RGS12: variants seen among roughly 807,000 people sequenced by gnomAD.
RGS12 encodes the protein regulator of G-protein signaling 12.
A neutral mutation model predicts 120.1 loss-of-function variants in RGS12; 66 were observed. The observed-to-expected ratio is 0.55, with a 90% CI of 0.45 to 0.67. The LOEUF (loss-of-function observed/expected upper bound fraction) is 0.67. Among genes scored for constraint, RGS12 ranks in the 30% least tolerant of loss-of-function variants. The pLI is 0.00. For missense variants in RGS12, 1,859 were observed against 1,957.7 expected (o/e 0.95, Z 0.95); for synonymous variants, 827 against 804.7 (o/e 1.03, Z -0.47).
intron 8 of RGS12, 51 bp from the exon 9 acceptor site, chr4:3,417,337 A>T: frequency 6.5e-7 from 1 of 1,527,174 alleles, no homozygotes; most frequent in Non-Finnish European, 8.8e-7. Context: ...ACTTAACGTA[A>T]TAGTAAAATA....
intron 3 of RGS12, among the ~76,000 whole-genome samples, chr4:3,344,865 T>C (rs1713644931): frequency 6.6e-6 from 1 of 152,198 alleles, no homozygotes; most frequent in Admixed American, 6.5e-5. Flanking sequence ...TGTCCTTTTC[T>C]GTGTGGGCCC....
chr4:3,423,075 A>C (rs374207716), intron 12 of RGS12, 97 bp downstream of exon 12: 7 of 692,548 alleles, frequency 1.0e-5, no homozygotes. Context: ...CGGCCTGTGG[A>C]TGCTCCATGC....
chr4:3,292,922 A>AC, upstream of RGS12: 1 of 31,138 alleles, frequency 3.2e-5, no homozygotes, highest in South Asian at 1.2e-3. Flanking sequence ...CCCCAACCCC[A>AC]CCCCCTTGGC....
At chr4:3,339,006 C>A (rs538111353) in intron 2 of RGS12, among the ~76,000 whole-genome samples, 1 of 152,288 alleles carries the variant, frequency 6.6e-6, no homozygotes, top group South Asian at 2.1e-4. Context: ...GGCCCTCGTT[C>A]CATGAGTTGA....
rs1472016366 is a variant in RGS12, at chr4:3,374,582, C to T, written c.1999-11834C>T. Reference sequence around the variant, plus strand: ...GATTCTCCCCTCGCCTCCAGTGTACCCCTCCCTCAGTCTGCCACATCTCAG... The same window carrying T: ...GATTCTCCCCTCGCCTCCAGTGTACTCCTCCCTCAGTCTGCCACATCTCAG... On this transcript the variant is annotated intron_variant, in intron 3 of 17. Coordinates refer to ENST00000336727, the MANE Select transcript of RGS12 (RefSeq NM_001394154.1). The surrounding 1 kb of genome is among the most constrained non-coding windows in gnomAD (Gnocchi z 6.3). Among the ~76,000 whole-genome samples, 5 of 151,996 alleles carry T rather than the reference C, an allele frequency of 3.3e-5. No individual in the cohort carries two copies. The highest frequency in any genetic ancestry group is 7.4e-5 in the Non-Finnish European group (5 of 67,998).
chr4:3,411,756 C>T (rs1446344514), intron 4 of RGS12, among the ~76,000 whole-genome samples: 3 of 152,282 alleles, frequency 2.0e-5, no homozygotes. Context: ...CAGAACGGGG[C>T]ACTTGCCACA....
chr4:3,297,452 C>T (rs986753276), intron 1 of RGS12, among the ~76,000 whole-genome samples: 7 of 152,330 alleles, frequency 4.6e-5, no homozygotes, highest in East Asian at 1.9e-4. Flanking sequence ...TCCCAAAGGC[C>T]GTGGGGAGGT....
intron 13 of RGS12, among the ~76,000 whole-genome samples, chr4:3,424,687 G>A (rs976386622): frequency 3.9e-5 from 6 of 152,252 alleles, no homozygotes; most frequent in African/African-American, 1.4e-4. Context: ...GAGGCTGTGG[G>A]GGCTATGGAG....
chr4:3,435,621 G>A lies in RGS12; in HGVS notation c.4115-3834G>A, dbSNP rs1577112643. On this transcript the variant is annotated intron_variant, in intron 17 of 17. Transcript: ENST00000336727. ...CATCTCCTGGCTCCTGCCCAGCTCC[G>A]TGGCTCCCCAGGGGATTCCTGAACT... is the stretch of plus-strand genomic sequence containing the variant. Among the ~76,000 whole-genome samples the A allele has an allele frequency of 4.1e-5, 6 of 147,154 alleles. No individual in the cohort carries two copies. The Admixed American group carries it at 4.2e-4, about 10-fold the overall frequency.
intron 1 of RGS12, among the ~76,000 whole-genome samples, chr4:3,299,259 T>G (rs1723545542): frequency 6.6e-6 from 1 of 152,040 alleles, no homozygotes; most frequent in African/African-American, 2.4e-5. Context: ...CTAACAGATC[T>G]CACGACTGCC....
chr4:3,415,661 G>A (rs767416383), intron 6 of RGS12, among the ~76,000 whole-genome samples: 1 of 152,224 alleles, frequency 6.6e-6, no homozygotes, highest in Non-Finnish European at 1.5e-5. Context: ...CTCAGAGGGC[G>A]CTGCTCTCCT....
chr4:3,439,551 CG>C lies in RGS12; in HGVS notation c.4216del (p.Ala1406HisfsTer86), dbSNP rs778815294. 4 of 1,612,166 alleles carry C rather than the reference CG, an allele frequency of 2.5e-6. No homozygotes were observed. In the South Asian group the frequency reaches 4.4e-5, roughly 18 times the overall value. ...GSAPGRDGGIAGAQAGPGRSQ... is the reference protein window; with the variant it reads ...GSAPGRDGGIXGAQAGPGRSQ... The stretch of plus-strand genomic sequence containing the variant: ...GCGCCCGGGCGGGATGGTGGCATAG[CG>C]GGGGCACAGGCTGGCCCTGGGAGGT... On this transcript the variant is annotated frameshift_variant, in exon 18 of 18. Transcript: ENST00000336727. LOFTEE classifies it low-confidence loss of function (END_TRUNC).
At position 3,317,436 on chromosome 4, in the gene RGS12, T is replaced by C. The variant is rs1724852090; in HGVS notation, c.1266T>C (p.Ser422=). ...AHQNNSTSSN[S]DSGIGNFHQE... is the part of the protein sequence containing the mutation. ...AGAACAACAGCACCAGCAGCAACAGTGACAGCGGCATTGGGAACTTCCACC... is the reference window on the plus strand; with the variant it reads ...AGAACAACAGCACCAGCAGCAACAGCGACAGCGGCATTGGGAACTTCCACC... The change falls in exon 2 of 18, where the codon AGT becomes AGC. Residue 422 remains serine, a synonymous_variant. Coordinates refer to ENST00000336727, the MANE Select transcript of RGS12 (RefSeq NM_001394154.1). 6.2e-7 allele frequency: 1 copy of C among 1,613,806 alleles called. No homozygotes were observed. The highest frequency in any genetic ancestry group is 1.3e-5 in the African/African-American group (1 of 74,878).
intron 12 of RGS12, among the ~76,000 whole-genome samples, chr4:3,423,289 G>A (rs1322998624): frequency 6.6e-6 from 1 of 152,216 alleles, no homozygotes; most frequent in Non-Finnish European, 1.5e-5. Context: ...AGGTAGCCAG[G>A]CTGCTGTGCA....
intron 1 of RGS12, among the ~76,000 whole-genome samples, chr4:3,299,135 C>G (rs1723535526): frequency 6.6e-6 from 1 of 152,074 alleles, no homozygotes; most frequent in Non-Finnish European, 1.5e-5. Flanking sequence ...ATGAAAATCT[C>G]TGCTGCAGTC....
intron 4 of RGS12, among the ~76,000 whole-genome samples, chr4:3,405,819 C>T (rs570206175): frequency 3.9e-4 from 60 of 152,128 alleles, no homozygotes; most frequent in Non-Finnish European, 7.6e-4. Flanking sequence ...AGGAAGAATG[C>T]GGACATTTGG....
intron 1 of RGS12, among the ~76,000 whole-genome samples, chr4:3,299,087 T>C (rs781394664): frequency 6.6e-6 from 1 of 152,142 alleles, no homozygotes; most frequent in Non-Finnish European, 1.5e-5. Context: ...CTGAAGAGTG[T>C]TGATTTTTGT....
intron 3 of RGS12, among the ~76,000 whole-genome samples, chr4:3,363,890 G>A (rs1716003303): frequency 6.6e-6 from 1 of 152,092 alleles, no homozygotes; most frequent in Non-Finnish European, 1.5e-5. Flanking sequence ...TGAGGAGTGG[G>A]CGGGGGAAGC....
intron 3 of RGS12, among the ~76,000 whole-genome samples, chr4:3,350,539 A>AGGTATGAT (rs1243144919): frequency 1.3e-5 from 2 of 152,076 alleles, no homozygotes; most frequent in Non-Finnish European, 2.9e-5. Context: ...AAAATTAGGC[A>AGGTATGAT]GGTATGATGG....
Sources: gnomAD v4.1 joint callset for allele counts (sites outside exome capture counted in the v4.1 genomes callset) on GRCh38, gnomAD v4.1.1 for gene constraint, Gnocchi (gnomAD v3.1) non-coding constraint, MANE v1.5 for transcripts, NCBI Gene and HGNC (gene_info 2026-07-23, HGNC 2026-07-21) for gene names.